The following TOP2A variants were observed in gnomAD, a reference collection of about 807,000 sequenced individuals.
TOP2A encodes DNA topoisomerase 2-alpha.
A neutral mutation model predicts 187.2 loss-of-function variants in TOP2A; 68 were observed. The observed-to-expected ratio is 0.36, with a 90% CI of 0.30 to 0.44. The LOEUF (loss-of-function observed/expected upper bound fraction) is 0.44. Among genes scored for constraint, TOP2A ranks in the 20% least tolerant of loss-of-function variants. TOP2A has a pLI of 1.00. For missense variants in TOP2A, 1,196 were observed against 1,808.7 expected (o/e 0.66, Z 6.14); for synonymous variants, 542 against 593.2 (o/e 0.91, Z 1.25).
rs1003161605 is a variant in TOP2A, at chr17:40,417,533, G to A, written c.21+238C>T. On this transcript the variant is annotated intron_variant, in intron 1 of 34. Transcript: ENST00000423485. ...TCCACTACGGGACCAACGGACTCCT[G>A]CCCCTAGAAACAGGGCAACAACGCA... is the stretch of plus-strand genomic sequence containing the variant. 20 of 1,421,880 alleles carry A rather than the reference G, an allele frequency of 1.4e-5. No individual in the cohort carries two copies. The African/African-American group carries it at 2.4e-4, about 17-fold the overall frequency. The allele number at this position is 1,421,880 out of a possible 1,614,324, so 88.1% of individuals were successfully genotyped here.
In TOP2A at chr17:40,392,605, GT is replaced by G. The variant is rs1175702990; in HGVS notation, c.3943del (p.Thr1315GlnfsTer55). On this transcript the variant is annotated frameshift_variant, in exon 30 of 35. Transcript: ENST00000423485. LOFTEE classifies it high-confidence loss of function. ...ESNFDVPPRE[T>X]EPRRAATKTK... ...CTTACTTGCTGCTCTCCGTGGCTCT[GT>G]TTCTCGTGGAGGGACATCAAAATTA... The G allele has an allele frequency of 1.2e-6, 2 of 1,612,158 alleles. No individual in the cohort carries two copies. Among genetic ancestry groups the G allele is most frequent in the Non-Finnish European group, 1.7e-6 (2 of 1,179,494 alleles).
In TOP2A at chr17:40,404,142, G is replaced by A; in HGVS notation, c.2283+10C>T. ...ATAATGCTTTCTGGAAACATGGATT[G>A]TGTGTTTACCTCACCATGATGATAA... On this transcript the variant is annotated intron_variant, in intron 19 of 34. Transcript: ENST00000423485. 1 of 1,611,316 alleles carries A rather than the reference G, an allele frequency of 6.2e-7. No homozygotes were observed. The highest frequency in any genetic ancestry group is 1.3e-5 in the African/African-American group (1 of 74,908).
chr17:40,395,200 T>TTGAA (rs2035077068), intron 29 of TOP2A, among the ~76,000 whole-genome samples: 1 of 151,020 alleles, frequency 6.6e-6, no homozygotes, highest in Non-Finnish European at 1.5e-5. Flanking sequence ...GGAGAATCGC[T>TTGAA]TGAACCCAGG....
At chr17:40,417,710 G>C in intron 1 of TOP2A, 61 bp downstream of exon 1, 1 of 1,608,302 alleles carries the variant, frequency 6.2e-7, no homozygotes, top group South Asian at 1.1e-5. Flanking sequence ...CGTCACGGGC[G>C]GCCAGAGAGA....
intron 10 of TOP2A, chr17:40,410,765 C>A: frequency 2.4e-6 from 1 of 409,606 alleles, no homozygotes; most frequent in Non-Finnish European, 4.7e-6. Flanking sequence ...TGGGGGGCTG[C>A]TTGTATGGGC....
intron 7 of TOP2A, among the ~76,000 whole-genome samples, chr17:40,412,220 A>G (rs901786143): frequency 3.3e-5 from 5 of 152,182 alleles, no homozygotes; most frequent in Non-Finnish European, 7.3e-5. Context: ...GAAAATAAAA[A>G]AAGGACATGA....
intron 16 of TOP2A, among the ~76,000 whole-genome samples, chr17:40,405,635 A>T (rs1341855085): frequency 2.7e-5 from 4 of 147,648 alleles, no homozygotes; most frequent in South Asian, 2.1e-4. Flanking sequence ...TTTATTTTTT[A>T]TTTTTTTTTA....
intron 13 of TOP2A, 149 bp downstream of exon 13, chr17:40,407,400 G>C: frequency 1.6e-6 from 1 of 620,000 alleles, no homozygotes; most frequent in Non-Finnish European, 2.6e-6. Flanking sequence ...ACATACATAT[G>C]ATATAAGCAT....
In TOP2A at chr17:40,400,082, C is replaced by T; in HGVS notation, c.3001-15G>A. On this transcript the variant is annotated splice_polypyrimidine_tract_variant and intron_variant, in intron 23 of 34. Transcript: ENST00000423485. Reference sequence around the variant, plus strand: ...TCAAAAAGCACCTGAAAAAGGAAAACAAGATTAGAGCCAAGAATAGACAAA... The same window carrying T: ...TCAAAAAGCACCTGAAAAAGGAAAATAAGATTAGAGCCAAGAATAGACAAA... The T allele has an allele frequency of 6.2e-7, 1 of 1,600,742 alleles. No individual in the cohort carries two copies. Among genetic ancestry groups the T allele is most frequent in the Non-Finnish European group, 8.5e-7 (1 of 1,175,036 alleles).
intron 29 of TOP2A, among the ~76,000 whole-genome samples, chr17:40,394,256 G>C (rs1025323616): frequency 2.6e-5 from 4 of 152,062 alleles, no homozygotes; most frequent in Non-Finnish European, 5.9e-5. Context: ...GCAAATGATT[G>C]TTAATGAGTT....
intron 4 of TOP2A, among the ~76,000 whole-genome samples, chr17:40,414,354 C>T (rs1356036070): frequency 6.6e-6 from 1 of 152,110 alleles, no homozygotes; most frequent in African/African-American, 2.4e-5. Flanking sequence ...TCCATCACCA[C>T]ACCTGGCTAA....
chr17:40,403,781 T>C (rs2035208951), intron 19 of TOP2A, among the ~76,000 whole-genome samples: 1 of 152,198 alleles, frequency 6.6e-6, no homozygotes, highest in South Asian at 2.1e-4. Flanking sequence ...CACCTGAGAA[T>C]AGACCCTGGA....
At position 40,406,384 on chromosome 17, in the gene TOP2A, C is replaced by G. The variant is rs1598615695; in HGVS notation, c.1953G>C (p.Leu651=). Residue 651 remains leucine, a splice_region_variant and synonymous_variant, in exon 16 of 35, where the codon CTG becomes CTC. Coordinates refer to ENST00000423485, the MANE Select transcript of TOP2A (RefSeq NM_001067.4). The part of the protein sequence containing the change: ...SGPEDDAAIS[L]AFSKKQIDDR... Reference sequence around the variant, plus strand: ...TATATAAAATACAACTCAAACCTACCAGGCTGATAGCAGCATCATCTTCAG... The same window carrying G: ...TATATAAAATACAACTCAAACCTACGAGGCTGATAGCAGCATCATCTTCAG... 1 of 1,607,518 alleles carries G rather than the reference C, an allele frequency of 6.2e-7. No homozygotes were observed. Among genetic ancestry groups the G allele is most frequent in the Non-Finnish European group, 8.5e-7 (1 of 1,175,724 alleles).
At chr17:40,416,398 C>T (rs2035390992) in intron 3 of TOP2A, 24 bp downstream of exon 3, 1 of 1,405,718 alleles carries the variant, frequency 7.1e-7, no homozygotes, top group Non-Finnish European at 9.8e-7. Context: ...TTGACCAGAT[C>T]TTTATATTAA....
chr17:40,408,775 G>A, intron 10 of TOP2A, 145 bp from the exon 11 acceptor site: 1 of 875,306 alleles, frequency 1.1e-6, no homozygotes, highest in South Asian at 1.4e-5. Context: ...ATAGAGGGTG[G>A]CACATCTTCC....
At chr17:40,404,990 CT>C (rs1265795492) in intron 16 of TOP2A, 107 bp from the exon 17 acceptor site, 78,166 of 518,354 alleles carry the variant, frequency 0.15, 1 homozygote, top group South Asian at 0.2. Context: ...TACTGTTTTC[CT>C]TTTTTTTTTT....
At position 40,417,764 on chromosome 17, in the gene TOP2A, G is replaced by A; in HGVS notation, c.21+7C>T. 1 of 1,613,278 alleles carries A rather than the reference G, an allele frequency of 6.2e-7. No individual in the cohort carries two copies. The highest frequency in any genetic ancestry group is 8.5e-7 in the Non-Finnish European group (1 of 1,179,840). On this transcript the variant is annotated splice_region_variant and intron_variant, in intron 1 of 34. Coordinates refer to ENST00000423485, the MANE Select transcript of TOP2A (RefSeq NM_001067.4). ...GCTCCACCGCCAGTCCCCCCCGCGA[G>A]CCGTACCTGCAATGGTGACACTTCC...
rs80336097 is a variant in TOP2A at position 40,408,612 on chromosome 17, C to T, written c.1222G>A (p.Val408Ile). The T allele has an allele frequency of 4.3e-6, 7 of 1,613,636 alleles. No homozygotes were observed. The highest frequency in any genetic ancestry group is 1.3e-5 in the African/African-American group (1 of 74,858). ...FIKAAIGCGI[V>I]ESILNWVKFK... The stretch of plus-strand genomic sequence containing the variant: ...TTCACCCAGTTTAGTATGCTTTCTA[C>T]AATACCACAGCCAATGGCCTGAAAA... Residue 408 changes from valine (V) to isoleucine (I), a missense_variant, in exon 11 of 35, where the codon GTA becomes ATA. Val to Ile is a conservative substitution (Grantham distance 29, BLOSUM62 3). This residue lies in a region of TOP2A where 252 missense variants were observed against 434.8 expected (regional missense o/e 0.58). Coordinates refer to ENST00000423485, the MANE Select transcript of TOP2A (RefSeq NM_001067.4).
intron 10 of TOP2A, chr17:40,410,668 G>A (rs772912297): frequency 1.5e-4 from 69 of 455,600 alleles, no homozygotes; most frequent in African/African-American, 1.3e-3. Flanking sequence ...GGGAAATAAA[G>A]GAAGGCTCCC....
Sources: gnomAD v4.1 joint callset for allele counts (sites outside exome capture counted in the v4.1 genomes callset) on GRCh38, gnomAD v4.1.1 for gene constraint, gnomAD v4.1.1 regional missense constraint, MANE v1.5 for transcripts, NCBI Gene and HGNC (gene_info 2026-07-23, HGNC 2026-07-21) for gene names.